GREB1L: variants seen among roughly 807,000 people sequenced by gnomAD.
GREB1L encodes GREB1 like retinoic acid receptor coactivator, also known as GREB1-like protein.
Under a neutral mutation model 200.8 loss-of-function variants are expected in GREB1L, and 17 were observed. The observed-to-expected ratio is 0.08, with a 90% CI of 0.06 to 0.13. The LOEUF is 0.13. Ranked by LOEUF, GREB1L falls within the 10% of genes least tolerant of loss-of-function variation. GREB1L has a pLI of 1.00. For synonymous variants in GREB1L, 789 were observed against 893.0 expected (o/e 0.88, Z 2.08); for missense variants, 1,657 against 2,367.7 (o/e 0.70, Z 6.23).
At chr18:21,328,501 G>A (rs374657823) in intron 1 of GREB1L, among the ~76,000 whole-genome samples, 3 of 152,262 alleles carry the variant, frequency 2.0e-5, no homozygotes, top group African/African-American at 7.2e-5. Flanking sequence ...GAGAAATTGT[G>A]TCCAGCCCTC....
chr18:21,442,834 AGAAAG>A (rs1409574052), intron 10 of GREB1L, among the ~76,000 whole-genome samples: 3 of 151,076 alleles, frequency 2.0e-5, no homozygotes, highest in African/African-American at 4.9e-5. Context: ...GGATAGTGTC[AGAAAG>A]GAAAGGAAAG....
At chr18:21,284,524 T>G (rs1453337670) in intron 1 of GREB1L, among the ~76,000 whole-genome samples, 1 of 152,254 alleles carries the variant, frequency 6.6e-6, no homozygotes, top group Non-Finnish European at 1.5e-5. Context: ...TGCCAAATGC[T>G]ACTCCATTGC....
intron 7 of GREB1L, among the ~76,000 whole-genome samples, chr18:21,430,892 G>T (rs1240673251): frequency 6.7e-6 from 1 of 149,624 alleles, no homozygotes; most frequent in African/African-American, 2.5e-5. Flanking sequence ...CACCGCACCT[G>T]GCCTCTTTTT....
chr18:21,373,502 T>G (rs1337544486), intron 2 of GREB1L, among the ~76,000 whole-genome samples: 1 of 152,088 alleles, frequency 6.6e-6, no homozygotes, highest in Non-Finnish European at 1.5e-5. Flanking sequence ...CCCAGCTAAT[T>G]TTTGTATTTT....
chr18:21,423,852 C>T (rs1344659165), intron 7 of GREB1L, among the ~76,000 whole-genome samples: 1 of 151,838 alleles, frequency 6.6e-6, no homozygotes, highest in African/African-American at 2.4e-5. Context: ...AGTGAGACTC[C>T]ATCTCAAAGA....
intron 1 of GREB1L, among the ~76,000 whole-genome samples, chr18:21,266,568 T>A (rs1411534569): frequency 6.6e-6 from 1 of 152,236 alleles, no homozygotes; most frequent in Non-Finnish European, 1.5e-5. Context: ...GTTCCACTTT[T>A]AACTGCTTTA....
At chr18:21,420,440 A>G (rs2032061961) in intron 7 of GREB1L, among the ~76,000 whole-genome samples, 1 of 152,046 alleles carries the variant, frequency 6.6e-6, no homozygotes, top group African/African-American at 2.4e-5. Flanking sequence ...ATATAAAGGG[A>G]TTGTTTCTGA....
At chr18:21,431,522 G>A (rs566053066) in intron 7 of GREB1L, among the ~76,000 whole-genome samples, 1 of 152,248 alleles carries the variant, frequency 6.6e-6, no homozygotes, top group East Asian at 1.9e-4. Context: ...ATTGAGGCTT[G>A]TTTTATGGCC....
chr18:21,449,972 T>C, intron 12 of GREB1L, 136 bp downstream of exon 12: 1 of 713,960 alleles, frequency 1.4e-6, no homozygotes, highest in South Asian at 2.0e-5. Flanking sequence ...CTCATCCTCC[T>C]AATTTTAACT....
In GREB1L at chr18:21,472,823, G is replaced by A. The variant is rs558875566; in HGVS notation, c.2183-208G>A. On this transcript the variant is annotated intron_variant, in intron 15 of 32. Coordinates refer to ENST00000424526, the MANE Select transcript of GREB1L (RefSeq NM_001142966.3). ...CCTGTATTTGTGTCAGGGATGGGAG[G>A]TGAGCGGCAGTGTTACAAAGAAAAG... 1.5e-4 allele frequency among the ~76,000 whole-genome samples: 23 copies of A among 152,256 alleles called. No individual in the cohort carries two copies. The South Asian group carries it at 4.1e-3, about 27-fold the overall frequency.
chr18:21,269,752 T>C (rs1314490135), intron 1 of GREB1L, among the ~76,000 whole-genome samples: 1 of 152,226 alleles, frequency 6.6e-6, no homozygotes, highest in Non-Finnish European at 1.5e-5. Context: ...AGGGCTTTAG[T>C]AAAAACTCAG....
intron 16 of GREB1L, among the ~76,000 whole-genome samples, chr18:21,474,258 T>C (rs1434226845): frequency 1.3e-5 from 2 of 152,216 alleles, no homozygotes; most frequent in Non-Finnish European, 2.9e-5. Context: ...CCTAGGAGCC[T>C]GTAAAATCAA....
chr18:21,488,478 A>G (rs1320775777), intron 18 of GREB1L, among the ~76,000 whole-genome samples: 2 of 152,146 alleles, frequency 1.3e-5, no homozygotes, highest in Non-Finnish European at 2.9e-5. Flanking sequence ...GTAGAATTAT[A>G]GAATGGAACA....
intron 7 of GREB1L, among the ~76,000 whole-genome samples, chr18:21,422,840 A>G (rs1241498980): frequency 4.6e-5 from 7 of 152,208 alleles, no homozygotes; most frequent in African/African-American, 1.7e-4. Flanking sequence ...TTACTCTCCT[A>G]ACAGGTTGTA....
Position 21,499,950 on chromosome 18 carries a change from T to C in GREB1L, c.3613T>C (p.Ser1205Pro), listed in dbSNP as rs1219551630. The C allele has an allele frequency of 1.3e-6, 2 of 1,550,578 alleles. No homozygotes were observed. The highest frequency in any genetic ancestry group is 8.7e-7 in the Non-Finnish European group (1 of 1,146,436). ...CACCACCTCCAAGCCGTCATCATCATCCTCAGGACCCAGGACCCTCCCATG... is the reference window on the plus strand; with the variant it reads ...CACCACCTCCAAGCCGTCATCATCACCCTCAGGACCCAGGACCCTCCCATG... ...SSTTSKPSSS[S>P]SGPRTLPWPG... Residue 1205 changes from serine (S) to proline (P), a missense_variant, in exon 22 of 33, where the codon TCC becomes CCC. Ser to Pro is a moderately conservative substitution (Grantham distance 74). Coordinates refer to ENST00000424526, the MANE Select transcript of GREB1L (RefSeq NM_001142966.3).
intron 1 of GREB1L, among the ~76,000 whole-genome samples, chr18:21,243,390 T>C (rs2037539113): frequency 6.6e-6 from 1 of 152,076 alleles, no homozygotes; most frequent in Non-Finnish European, 1.5e-5. Context: ...AACGTGACGG[T>C]TCCAAGGTCC....
intron 15 of GREB1L, among the ~76,000 whole-genome samples, chr18:21,460,329 C>T (rs768374747): frequency 7.2e-5 from 11 of 152,064 alleles, no homozygotes; most frequent in Admixed American, 1.3e-4. Flanking sequence ...CATGTGCCAC[C>T]ATGCCCAGCT....
intron 1 of GREB1L, among the ~76,000 whole-genome samples, chr18:21,346,289 G>A (rs922791380): frequency 1.5e-4 from 23 of 152,054 alleles, no homozygotes; most frequent in Non-Finnish European, 2.2e-4. Flanking sequence ...TAGGACTATA[G>A]TAGGAGTTTC....
chr18:21,441,361 T>C (rs2033891443), intron 9 of GREB1L, 39 bp from the exon 10 acceptor site: 1 of 1,497,118 alleles, frequency 6.7e-7, no homozygotes, highest in Non-Finnish European at 8.9e-7. Flanking sequence ...TTCATTTAGT[T>C]TTCACGCCAT....
Sources: gnomAD v4.1 joint callset for allele counts (sites outside exome capture counted in the v4.1 genomes callset) on GRCh38, gnomAD v4.1.1 for gene constraint, MANE v1.5 for transcripts, NCBI Gene and HGNC (gene_info 2026-07-23, HGNC 2026-07-21) for gene names.